The following TTC19 variants were observed in gnomAD, a reference collection of about 807,000 sequenced individuals.
TTC19 encodes tetratricopeptide repeat domain 19.
Under a neutral mutation model 49.5 loss-of-function variants are expected in TTC19, and 38 were observed. That is an observed-to-expected ratio of 0.77 (90% CI 0.59 to 1.01). TTC19 has a LOEUF of 1.01. TTC19 is among the 50% of genes least tolerant of loss of function. The pLI is 0.00. For missense variants in TTC19, 475 were observed against 477.7 expected, an observed-to-expected ratio of 0.99 and a Z score of 0.05; for synonymous variants, 204 against 185.2, an observed-to-expected ratio of 1.10 and a Z score of -0.83.
In TTC19 at chr17:16,015,196, A is replaced by T. The variant is rs148684807; in HGVS notation, c.676+8628A>T. On this transcript the variant is annotated intron_variant, in intron 7 of 9. Coordinates refer to ENST00000261647, the MANE Select transcript of TTC19 (RefSeq NM_017775.4). ...TTGCATTGGAATGGTCTGTTCCTTGAAAGTTGCAGAGTCTGTGATGCCAGA... is the reference window on the plus strand; with the variant it reads ...TTGCATTGGAATGGTCTGTTCCTTGTAAGTTGCAGAGTCTGTGATGCCAGA... 6.3e-3 allele frequency among the ~76,000 whole-genome samples: 963 copies of T among 152,274 alleles called. 17 individuals are homozygous for T. The highest frequency in any genetic ancestry group is 0.022 in the African/African-American group (895 of 41,538).
downstream of TTC19, chr17:16,029,954 C>T (rs115946329): frequency 7.1e-3 from 1,133 of 159,318 alleles, 15 homozygotes; most frequent in African/African-American, 0.025. Flanking sequence ...AGAAACTATA[C>T]GGTTGACCTT....
chr17:16,039,753 G>C (rs2057191382), intron 2 of TTC19: 1 of 1,074,818 alleles, frequency 9.3e-7, no homozygotes, highest in East Asian at 2.6e-5. Context: ...CACAGCACTT[G>C]GCAAGTGACC....
At chr17:16,015,358 ATG>A (rs1258259287) in intron 7 of TTC19, among the ~76,000 whole-genome samples, 10 of 151,022 alleles carry the variant, frequency 6.6e-5, no homozygotes, top group African/African-American at 2.0e-4. Context: ...TATTGAATAA[ATG>A]AACGTATGGG....
intron 7 of TTC19, among the ~76,000 whole-genome samples, chr17:16,021,648 G>A (rs1432149424): frequency 2.0e-5 from 3 of 152,066 alleles, no homozygotes; most frequent in African/African-American, 7.2e-5. Flanking sequence ...AAAAATTACA[G>A]ACAAAGGGCA....
intron 6 of TTC19, 113 bp downstream of exon 6, chr17:16,004,375 A>T (rs777583726): frequency 5.0e-6 from 5 of 1,001,796 alleles, no homozygotes; most frequent in Non-Finnish European, 8.0e-6. Flanking sequence ...TGGGTGTCAC[A>T]CTCAAAGTGT....
intron 4 of TTC19, among the ~76,000 whole-genome samples, chr17:16,003,611 CAG>C (rs898746687): frequency 1.3e-5 from 2 of 151,928 alleles, no homozygotes; most frequent in African/African-American, 4.8e-5. Context: ...TTCTACTCAT[CAG>C]AGAGTAGTTT....
At chr17:16,025,215 T>C (rs1026888102) in intron 8 of TTC19, 44 bp downstream of exon 8, 1 of 1,592,724 alleles carries the variant, frequency 6.3e-7, no homozygotes, top group South Asian at 1.1e-5. Context: ...AACAAAGGCT[T>C]CAAAATTGAA....
In TTC19 at chr17:16,026,710, G is replaced by A. The variant is rs1712294009; in HGVS notation, c.994+8G>A. 1 of 1,613,812 alleles carries A rather than the reference G, an allele frequency of 6.2e-7. No individual in the cohort carries two copies. Among genetic ancestry groups the A allele is most frequent in the Non-Finnish European group, 8.5e-7 (1 of 1,179,858 alleles). ...CAGTTTTGATGCACAGAGGTAGGTA[G>A]CAATGTAAACTTAACTGACTTGCTT... is the stretch of plus-strand genomic sequence containing the variant. On this transcript the variant is annotated splice_region_variant and intron_variant, in intron 9 of 9. Coordinates refer to ENST00000261647, the MANE Select transcript of TTC19 (RefSeq NM_017775.4).
At chr17:16,044,999 G>T in exon 3 of TTC19, 58 of 294,144 alleles carry the variant, frequency 2.0e-4, no homozygotes, top group Middle Eastern at 1.2e-3. Context: ...CTGAACTTAA[G>T]AAAAAAAAAA....
chr17:16,008,960 T>C (rs1970990029), intron 7 of TTC19, among the ~76,000 whole-genome samples: 7 of 152,342 alleles, frequency 4.6e-5, no homozygotes, highest in Middle Eastern at 3.4e-3. Context: ...AAGTATGTTT[T>C]TGTTTAAAAA....
chr17:16,029,770 C>G (rs376035043), downstream of TTC19: 1 of 152,456 alleles, frequency 6.6e-6, no homozygotes, highest in Non-Finnish European at 1.5e-5. Context: ...GAACCAAGAA[C>G]TATTATTGGA....
chr17:16,040,646 GTA>G (rs768611433), intron 2 of TTC19: 2 of 760,450 alleles, frequency 2.6e-6, no homozygotes, highest in South Asian at 3.3e-5. Flanking sequence ...TAAAATGGAA[GTA>G]TTTTTTTTTT....
intron 7 of TTC19, among the ~76,000 whole-genome samples, chr17:16,015,414 G>T (rs776706212): frequency 6.6e-6 from 1 of 152,030 alleles, no homozygotes; most frequent in Non-Finnish European, 1.5e-5. Flanking sequence ...GAAACTTTAA[G>T]GAATTATATT....
chr17:16,017,203 A>G (rs2151667830), intron 7 of TTC19, among the ~76,000 whole-genome samples: 1 of 152,196 alleles, frequency 6.6e-6, no homozygotes, highest in South Asian at 2.1e-4. Context: ...TGTATCTTTT[A>G]TAGAAGGCTA....
intron 2 of TTC19, chr17:16,039,568 T>G: frequency 6.2e-7 from 1 of 1,614,192 alleles, no homozygotes; most frequent in Non-Finnish European, 8.5e-7. Context: ...TCATCAAAGC[T>G]TCCCATGAGA....
At chr17:16,015,403 A>G (rs1029314788) in intron 7 of TTC19, among the ~76,000 whole-genome samples, 7 of 152,160 alleles carry the variant, frequency 4.6e-5, no homozygotes, top group Non-Finnish European at 1.0e-4. Context: ...ATTTCCTAGA[A>G]GAAACTTTAA....
downstream of TTC19, chr17:16,031,324 A>G (rs1399529403): frequency 5.3e-6 from 1 of 189,966 alleles, no homozygotes; most frequent in Admixed American, 6.2e-5. Flanking sequence ...CATATATTCA[A>G]ACTAAGGGAA....
At chr17:16,044,334 C>CT in intron 2 of TTC19, 2 of 467,130 alleles carry the variant, frequency 4.3e-6, no homozygotes. Context: ...CTGGCTCATC[C>CT]TTTTTTCCTT....
At position 16,026,705 on chromosome 17, in the gene TTC19, A is replaced by T. The variant is rs189614332; in HGVS notation, c.994+3A>T. On this transcript the variant is annotated splice_donor_region_variant and intron_variant, in intron 9 of 9. Coordinates refer to ENST00000261647, the MANE Select transcript of TTC19 (RefSeq NM_017775.4). ...AGCTGCAGTTTTGATGCACAGAGGT[A>T]GGTAGCAATGTAAACTTAACTGACT... The T allele has an allele frequency of 1.2e-5, 19 of 1,614,032 alleles. No homozygotes were observed. The East Asian group carries it at 4.0e-4, about 34-fold the overall frequency.
Sources: allele counts gnomAD v4.1 joint callset (sites outside exome capture counted in the v4.1 genomes callset), GRCh38; gene constraint gnomAD v4.1.1; transcripts MANE v1.5; gene names NCBI Gene and HGNC (gene_info 2026-07-23, HGNC 2026-07-21).